PCDHGA1: variants seen among roughly 807,000 people sequenced by gnomAD.
The protein encoded by PCDHGA1 is protocadherin gamma subfamily A, 1.
PCDHGA1 carries 32 observed loss-of-function variants against 58.0 expected under a neutral mutation model. That is an observed-to-expected ratio of 0.55 (90% CI 0.42 to 0.74). The LOEUF (loss-of-function observed/expected upper bound fraction) is 0.74, where lower values mean the gene tolerates loss of function less well. Ranked by LOEUF, PCDHGA1 falls within the 30% of genes least tolerant of loss-of-function variation. The probability of loss-of-function intolerance (pLI) is 0.00; values close to 1 mark genes in which losing one functional copy is unlikely to be tolerated. For synonymous variants in PCDHGA1, 498 were observed against 501.1 expected (o/e 0.99, Z 0.08); for missense variants, 1,205 against 1,182.3 (o/e 1.02, Z -0.28).
rs1173306887 is a variant in PCDHGA1 at position 141,331,917 on chromosome 5, C to G, written c.1233C>G (p.Asp411Glu). ...GTTTAGTGACTGAAAGAACACTGGA[C>G]AGAGAACTTATCTCTGGGTACAACA... ...YYRLVTERTL[D>E]RELISGYNIT... The change falls in exon 1 of 4, where the codon GAC becomes GAG. Residue 411 changes from aspartate to glutamate, a missense_variant. Coordinates refer to ENST00000517417, the MANE Select transcript of PCDHGA1 (RefSeq NM_018912.3). 1.2e-6 allele frequency: 2 copies of G among 1,614,124 alleles called. No homozygotes were observed. Among genetic ancestry groups the G allele is most frequent in the Non-Finnish European group, 1.7e-6 (2 of 1,180,020 alleles).
At chr5:141,377,892 C>T (rs1387473486) in intron 1 of PCDHGA1, 1 of 152,170 alleles carries the variant, frequency 6.6e-6, no homozygotes, top group Non-Finnish European at 1.5e-5. Context: ...TAGGATCCCC[C>T]TCTGTTGCCC....
In PCDHGA1 at chr5:141,476,836, T is replaced by C. The variant is rs772607917; in HGVS notation, c.2422-17971T>C. On this transcript the variant is annotated intron_variant, in intron 1 of 3. Coordinates refer to ENST00000517417, the MANE Select transcript of PCDHGA1 (RefSeq NM_018912.3). The surrounding 1 kb of genome is among the most constrained non-coding windows in gnomAD (Gnocchi z 7.6). ...TCAAGGTGCTGGACGCGAATGACAATGCGCCTGTCTTCAACCAGTCCTTGT... is the reference window on the plus strand; with the variant it reads ...TCAAGGTGCTGGACGCGAATGACAACGCGCCTGTCTTCAACCAGTCCTTGT... 1.9e-6 allele frequency: 3 copies of C among 1,613,652 alleles called. 1 individual carries two copies. The highest frequency in any genetic ancestry group is 2.2e-5 in the East Asian group (1 of 44,852).
At position 141,511,036 on chromosome 5, in the gene PCDHGA1, G is replaced by A. The variant is rs116366286; in HGVS notation, c.2659G>A (p.Val887Met). ...CGGACCCCAGTTCACCCTGCAGCAC[G>A]TGCCCGACTACCGCCAGAATGTCTA... is the stretch of plus-strand genomic sequence containing the variant. ...RYGPQFTLQH[V>M]PDYRQNVYIP... is the part of the protein sequence containing the mutation. Residue 887 changes from valine to methionine, a missense_variant, in exon 4 of 4, where the codon GTG becomes ATG. Physicochemically the swap from Val to Met is conservative, Grantham distance 21. Transcript: ENST00000517417. 5.5e-5 allele frequency: 89 copies of A among 1,614,198 alleles called. No individual in the cohort carries two copies. The highest frequency in any genetic ancestry group is 1.6e-4 in the Middle Eastern group (1 of 6,062).
intron 1 of PCDHGA1, chr5:141,408,445 C>T (rs759314379): frequency 2.5e-6 from 4 of 1,613,846 alleles, no homozygotes; most frequent in Admixed American, 1.7e-5. Flanking sequence ...ACGCGGAGAG[C>T]GGGGACTTAC....
chr5:141,419,769 C>G (rs773303779), intron 1 of PCDHGA1: 3 of 1,613,888 alleles, frequency 1.9e-6, no homozygotes, highest in Non-Finnish European at 2.5e-6. Context: ...GACAAGGACT[C>G]GGTCCGCCAG....
intron 1 of PCDHGA1, chr5:141,441,126 C>T (rs1319809408): frequency 6.6e-6 from 1 of 152,062 alleles, no homozygotes; most frequent in Non-Finnish European, 1.5e-5. Context: ...CAGTTGAGAC[C>T]GAATTTCTAG....
chr5:141,455,476 G>C (rs2098823789), intron 1 of PCDHGA1, among the ~76,000 whole-genome samples: 1 of 152,218 alleles, frequency 6.6e-6, no homozygotes. Flanking sequence ...ATATGCAGAG[G>C]CTGGTGGAGG....
chr5:141,468,983 AATT>A (rs958294955), intron 1 of PCDHGA1, among the ~76,000 whole-genome samples: 5 of 148,376 alleles, frequency 3.4e-5, no homozygotes, highest in Admixed American at 6.8e-5. Context: ...TGACTTCCAA[AATT>A]ATTGTTTTTG....
rs568123995 is a variant in PCDHGA1 at position 141,511,539 on chromosome 5, C to G, written c.*366C>G. The G allele has an allele frequency of 3.0e-5, 10 of 328,342 alleles. No individual in the cohort carries two copies. The highest frequency in any genetic ancestry group is 2.1e-4 in the African/African-American group (10 of 47,452). The allele number at this position is 328,342 out of a possible 1,614,324, so 20.3% of individuals were successfully genotyped here. ...CATCCCATGCCTCCCTCCTCCCCAC[C>G]CCACTCCAACAGTTCCTCTTTCCCG... On this transcript the variant is annotated 3_prime_UTR_variant, in exon 4 of 4. Transcript: ENST00000517417.
At chr5:141,366,357 G>T in intron 1 of PCDHGA1, 1 of 1,614,020 alleles carries the variant, frequency 6.2e-7, no homozygotes, top group South Asian at 1.1e-5. Context: ...GCTGACCTAG[G>T]CAGTATCAAG....
intron 1 of PCDHGA1, chr5:141,356,995 G>A (rs372951385): frequency 6.2e-7 from 1 of 1,614,184 alleles, no homozygotes; most frequent in East Asian, 2.2e-5. Flanking sequence ...CAGAGACTCA[G>A]GTCAGAATGC....
At chr5:141,433,406 T>C (rs2097604777) in intron 1 of PCDHGA1, among the ~76,000 whole-genome samples, 1 of 149,982 alleles carries the variant, frequency 6.7e-6, no homozygotes, top group Non-Finnish European at 1.5e-5. Flanking sequence ...TATCTATCTA[T>C]TACTTTCTTG....
intron 1 of PCDHGA1, chr5:141,365,642 A>G (rs1764035406): frequency 6.2e-7 from 1 of 1,613,554 alleles, no homozygotes; most frequent in Non-Finnish European, 8.5e-7. Flanking sequence ...AGAAAGCCAC[A>G]TCCCCTTGAA....
intron 1 of PCDHGA1, chr5:141,395,077 A>T: frequency 6.2e-7 from 1 of 1,614,142 alleles, no homozygotes; most frequent in Non-Finnish European, 8.5e-7. Flanking sequence ...ACCTATTCCC[A>T]GGAAGTCTCC....
rs2099623857 is a variant in PCDHGA1, at chr5:141,486,060, A to ACC, written c.2422-8744_2422-8743dup. On this transcript the variant is annotated intron_variant, in intron 1 of 3. Transcript: ENST00000517417. This position sits in a 1 kb window ranked among gnomAD's most constrained non-coding sequence, Gnocchi z 5.0. Reference sequence around the variant, plus strand: ...CGTGTAAGAAACCTCTTTAGCCTGCACCCCACTACTGGAAAGCTTACTCTT... The same window carrying ACC: ...CGTGTAAGAAACCTCTTTAGCCTGCACCCCCCACTACTGGAAAGCTTACTCTT... The ACC allele has an allele frequency of 1.2e-6, 2 of 1,613,980 alleles. No homozygotes were observed. The highest frequency in any genetic ancestry group is 1.7e-6 in the Non-Finnish European group (2 of 1,179,980).
At chr5:141,406,940 A>C (rs2094868445) in intron 1 of PCDHGA1, among the ~76,000 whole-genome samples, 1 of 152,212 alleles carries the variant, frequency 6.6e-6, no homozygotes, top group African/African-American at 2.4e-5. Context: ...ATTTAATGTT[A>C]TTTTAAACAT....
intron 1 of PCDHGA1, among the ~76,000 whole-genome samples, chr5:141,451,611 G>C (rs1004906441): frequency 6.6e-6 from 1 of 152,166 alleles, no homozygotes; most frequent in Admixed American, 6.5e-5. Context: ...GCTAGGCATG[G>C]TGGCTCAAAC....
chr5:141,371,961 G>C lies in PCDHGA1; in HGVS notation c.2421+38856G>C. On this transcript the variant is annotated intron_variant, in intron 1 of 3. Transcript: ENST00000517417. ...GTTCGCGCAGCGAGCCTTCGACCAC[G>C]AGCAGCTGCGTGCCTTCGAGCTCAC... 6.2e-7 allele frequency: 1 copy of C among 1,613,240 alleles called. No individual in the cohort carries two copies. Among genetic ancestry groups the C allele is most frequent in the Admixed American group, 1.7e-5 (1 of 60,006 alleles).
intron 1 of PCDHGA1, chr5:141,389,913 C>A (rs751155354): frequency 6.2e-7 from 1 of 1,614,092 alleles, no homozygotes; most frequent in Non-Finnish European, 8.5e-7. Context: ...CACTGACCGC[C>A]CCGACCCCTC....
Sources: allele counts gnomAD v4.1 joint callset (sites outside exome capture counted in the v4.1 genomes callset), GRCh38; gene constraint gnomAD v4.1.1; non-coding constraint Gnocchi (gnomAD v3.1); transcripts MANE v1.5; gene names NCBI Gene and HGNC (gene_info 2026-07-23, HGNC 2026-07-21).